The following PPP2R1A variants were observed in gnomAD, a reference collection of about 807,000 sequenced individuals.
The protein encoded by PPP2R1A is protein phosphatase 2 scaffold subunit Aalpha.
A neutral mutation model predicts 67.1 loss-of-function variants in PPP2R1A; 15 were observed. That is an observed-to-expected ratio of 0.22 (90% CI 0.15 to 0.34). The LOEUF (loss-of-function observed/expected upper bound fraction) is 0.34. Ranked by LOEUF, PPP2R1A falls within the 10% of genes least tolerant of loss-of-function variation. PPP2R1A has a pLI of 1.00. For synonymous variants in PPP2R1A, 337 were observed against 325.0 expected, an observed-to-expected ratio of 1.04 and a Z score of -0.40; for missense variants, 369 against 775.0, an observed-to-expected ratio of 0.48 and a Z score of 6.22.
In PPP2R1A at chr19:52,216,761, T is replaced by C. The variant is rs1190569734; in HGVS notation, c.1128+98T>C. The C allele has an allele frequency of 8.5e-6, 13 of 1,533,590 alleles. No individual in the cohort carries two copies. Among genetic ancestry groups the C allele is most frequent in the Non-Finnish European group, 1.2e-5 (13 of 1,117,420 alleles). The allele number at this position is 1,533,590 out of a possible 1,614,324, so 95.0% of individuals were successfully genotyped here. On this transcript the variant is annotated intron_variant, in intron 9 of 14. Transcript: ENST00000322088. This position sits in a 1 kb window ranked among gnomAD's most constrained non-coding sequence, Gnocchi z 4.3. ...CCTAGATTGACCAGGAATCTGCTGA[T>C]ATCTCAACAGACATCCAGATCTTTG...
chr19:52,222,536 C>G, intron 13 of PPP2R1A: 1 of 261,452 alleles, frequency 3.8e-6, no homozygotes, highest in Non-Finnish European at 7.2e-6. Flanking sequence ...TATAATTGCA[C>G]CAAAAATATC....
chr19:52,220,166 G>A (rs1978830760), intron 10 of PPP2R1A, 23 bp from the exon 11 acceptor site: 1 of 1,612,502 alleles, frequency 6.2e-7, no homozygotes, highest in Admixed American at 1.7e-5. Context: ...CGCTTACCTT[G>A]GAACCCTTGG....
chr19:52,222,439 G>A, intron 13 of PPP2R1A, 198 bp downstream of exon 13: 2 of 758,822 alleles, frequency 2.6e-6, no homozygotes, highest in Admixed American at 3.8e-5. Flanking sequence ...GAAAGAGGGG[G>A]TGATGGGTTG....
Position 52,222,175 on chromosome 19 carries a change from C to T in PPP2R1A, c.1595C>T (p.Pro532Leu), listed in dbSNP as rs1194775389. ...LPTVLRMAGD[P>L]VANVRFNVAK... The stretch of plus-strand genomic sequence containing the variant: ...ACGGTTCTGCGCATGGCTGGGGACC[C>T]GGTTGCCAATGTCCGCTTCAATGTG... Residue 532 changes from proline to leucine, a missense_variant, in exon 13 of 15, where the codon CCG becomes CTG. Around this residue, in one of 2 missense-constraint regions of PPP2R1A, gnomAD observed 276 missense variants for 508.4 expected, o/e 0.54. Coordinates refer to ENST00000322088, the MANE Select transcript of PPP2R1A (RefSeq NM_014225.6). The T allele has an allele frequency of 5.6e-6, 9 of 1,614,172 alleles. No homozygotes were observed. Among genetic ancestry groups the T allele is most frequent in the South Asian group, 2.2e-5 (2 of 91,084 alleles).
intron 1 of PPP2R1A, chr19:52,190,375 G>A: frequency 1.6e-6 from 1 of 639,718 alleles, no homozygotes; most frequent in Non-Finnish European, 2.8e-6. Flanking sequence ...GAGGGCGGGG[G>A]CCAGCGCTAG....
Position 52,206,079 on chromosome 19 carries a change from G to A in PPP2R1A, c.270+16G>A. 1 of 1,608,972 alleles carries A rather than the reference G, an allele frequency of 6.2e-7. No homozygotes were observed. Among genetic ancestry groups the A allele is most frequent in the East Asian group, 2.2e-5 (1 of 44,834 alleles). Reference sequence around the variant, plus strand: ...CTGCCTGCTGGTGAGTGGAAGGCAGGAAGTCCTCTTGCCCACCCCTTAGGG... The same window carrying A: ...CTGCCTGCTGGTGAGTGGAAGGCAGAAAGTCCTCTTGCCCACCCCTTAGGG... On this transcript the variant is annotated intron_variant, in intron 3 of 14. Coordinates refer to ENST00000322088, the MANE Select transcript of PPP2R1A (RefSeq NM_014225.6).
chr19:52,219,897 T>C lies in PPP2R1A; in HGVS notation c.1302+33T>C. ...AGGAGGCCTGGGGGCCAGGCAGTGC[T>C]GCCTCAGGGGAGGTGCAGTATGTCC... On this transcript the variant is annotated intron_variant, in intron 10 of 14. Coordinates refer to ENST00000322088, the MANE Select transcript of PPP2R1A (RefSeq NM_014225.6). The surrounding 1 kb of genome is among the most constrained non-coding windows in gnomAD (Gnocchi z 4.0). 1 of 1,591,612 alleles carries C rather than the reference T, an allele frequency of 6.3e-7. No individual in the cohort carries two copies. The highest frequency in any genetic ancestry group is 1.7e-5 in the Admixed American group (1 of 59,018).
chr19:52,191,485 C>A (rs539664343), intron 1 of PPP2R1A: 2 of 152,174 alleles, frequency 1.3e-5, no homozygotes, highest in Non-Finnish European at 2.9e-5. Context: ...CCCTTTAGGT[C>A]TGTTTTCCCA....
intron 9 of PPP2R1A, among the ~76,000 whole-genome samples, chr19:52,218,420 G>A (rs1012864261): frequency 3.3e-5 from 5 of 152,142 alleles, no homozygotes; most frequent in Non-Finnish European, 7.4e-5. Context: ...AAAAGAGTGC[G>A]CTATTTTTAA....
rs1025510574 is a variant in PPP2R1A, at chr19:52,227,527, G to T, written c.*1546G>T. Reference sequence around the variant, plus strand: ...CACCCTGGAGAAAGGAGCAAGGGACGTATGGCTGGTGGTGTCTGCATGGAA... The same window carrying T: ...CACCCTGGAGAAAGGAGCAAGGGACTTATGGCTGGTGGTGTCTGCATGGAA... On this transcript the variant is annotated 3_prime_UTR_variant, in exon 15 of 15. Coordinates refer to ENST00000322088, the MANE Select transcript of PPP2R1A (RefSeq NM_014225.6). 49 of 152,426 alleles carry T rather than the reference G, an allele frequency of 3.2e-4. No homozygotes were observed. The highest frequency in any genetic ancestry group is 9.6e-4 in the African/African-American group (40 of 41,566). 9.4% of individuals were successfully genotyped at this position (152,426 alleles called of 1,614,324 possible).
Position 52,219,729 on chromosome 19 carries a change from C to G in PPP2R1A, c.1167C>G (p.Asp389Glu). The change falls in exon 10 of 15, where the codon GAC becomes GAG. Residue 389 changes from aspartate (D) to glutamate (E), a missense_variant. This residue lies in a region of PPP2R1A where 276 missense variants were observed against 508.4 expected (regional missense o/e 0.54). Coordinates refer to ENST00000322088, the MANE Select transcript of PPP2R1A (RefSeq NM_014225.6). This position sits in a 1 kb window ranked among gnomAD's most constrained non-coding sequence, Gnocchi z 4.0. ...GGCTGAACATCATCTCTAACCTGGA[C>G]TGTGTGAACGAGGTGATTGGCATCC... ...EVRLNIISNL[D>E]CVNEVIGIRQ... is the part of the protein sequence containing the mutation. 6.2e-7 allele frequency: 1 copy of G among 1,614,124 alleles called. No homozygotes were observed. The highest frequency in any genetic ancestry group is 8.5e-7 in the Non-Finnish European group (1 of 1,180,020).
At chr19:52,192,782 A>T (rs1568584223) in intron 1 of PPP2R1A, among the ~76,000 whole-genome samples, 1 of 152,170 alleles carries the variant, frequency 6.6e-6, no homozygotes, top group African/African-American at 2.4e-5. Flanking sequence ...ATTGCAAAGG[A>T]TACAGATGAA....
chr19:52,226,186 G>A lies in PPP2R1A; in HGVS notation c.*205G>A. On this transcript the variant is annotated 3_prime_UTR_variant, in exon 15 of 15. Transcript: ENST00000322088. ...CTCCCAACGGGCTAGGGGAGCACGG[G>A]GTTGGACAGGACAGTGACCTTGGGA... 1.3e-6 allele frequency: 1 copy of A among 744,392 alleles called. No homozygotes were observed. Among genetic ancestry groups the A allele is most frequent in the South Asian group, 1.8e-5 (1 of 54,262 alleles). 46.1% of individuals were successfully genotyped at this position (744,392 alleles called of 1,614,324 possible).
At chr19:52,195,876 G>C (rs1441460664) in intron 1 of PPP2R1A, among the ~76,000 whole-genome samples, 1 of 152,078 alleles carries the variant, frequency 6.6e-6, no homozygotes, top group Non-Finnish European at 1.5e-5. Flanking sequence ...GGCATTGTTA[G>C]GTAGGCAGGA....
In PPP2R1A at chr19:52,228,123, A is replaced by C. The variant is rs1009433602; in HGVS notation, c.*2142A>C. On this transcript the variant is annotated 3_prime_UTR_variant, in exon 15 of 15. Coordinates refer to ENST00000322088, the MANE Select transcript of PPP2R1A (RefSeq NM_014225.6). Reference sequence around the variant, plus strand: ...GTGCTATGGCTCAGAGGTGGGGTCTACAATTGGACATGTGTATGTAGACAA... The same window carrying C: ...GTGCTATGGCTCAGAGGTGGGGTCTCCAATTGGACATGTGTATGTAGACAA... 2.0e-5 allele frequency: 3 copies of C among 152,268 alleles called. No homozygotes were observed. Among genetic ancestry groups the C allele is most frequent in the African/African-American group, 7.2e-5 (3 of 41,434 alleles). The allele number at this position is 152,268 out of a possible 1,614,324, so 9.4% of individuals were successfully genotyped here.
chr19:52,221,410 G>A (rs1978919256), intron 12 of PPP2R1A, among the ~76,000 whole-genome samples: 1 of 152,170 alleles, frequency 6.6e-6, no homozygotes, highest in Admixed American at 6.5e-5. Context: ...AGCTTTATGA[G>A]CACCCCTCTC....
At chr19:52,190,729 C>T (rs1010256531) in intron 1 of PPP2R1A, among the ~76,000 whole-genome samples, 8 of 152,216 alleles carry the variant, frequency 5.3e-5, no homozygotes, top group Non-Finnish European at 7.3e-5. Context: ...CAAAAACACC[C>T]CCCCACCAAA....
chr19:52,210,072 C>G (rs1339348078), intron 3 of PPP2R1A, among the ~76,000 whole-genome samples: 2 of 152,174 alleles, frequency 1.3e-5, no homozygotes, highest in Non-Finnish European at 2.9e-5. Flanking sequence ...TGACTGAGCC[C>G]TGGAGGCATT....
At chr19:52,190,659 T>A (rs111636153) in intron 1 of PPP2R1A, among the ~76,000 whole-genome samples, 2 of 152,212 alleles carry the variant, frequency 1.3e-5, no homozygotes, top group Non-Finnish European at 2.9e-5. Context: ...CCTGCCATCC[T>A]AATTCCTGCT....
Sources: allele counts gnomAD v4.1 joint callset (sites outside exome capture counted in the v4.1 genomes callset), GRCh38; gene constraint gnomAD v4.1.1; regional missense constraint gnomAD v4.1.1; non-coding constraint Gnocchi (gnomAD v3.1); transcripts MANE v1.5; gene names NCBI Gene and HGNC (gene_info 2026-07-23, HGNC 2026-07-21).